DOCK9: variants seen among roughly 807,000 people sequenced by gnomAD.
DOCK9 encodes the protein dedicator of cytokinesis 9, also known as dedicator of cytokinesis protein 9.
A neutral mutation model predicts 263.3 loss-of-function variants in DOCK9; 89 were observed. That is an observed-to-expected ratio of 0.34 (90% CI 0.28 to 0.40). The LOEUF (loss-of-function observed/expected upper bound fraction) is 0.40. DOCK9 is among the 10% of genes least tolerant of loss of function. DOCK9 has a pLI of 1.00. For missense variants in DOCK9, 2,140 were observed against 2,603.4 expected, an observed-to-expected ratio of 0.82 and a Z score of 3.87; for synonymous variants, 976 against 973.1, an observed-to-expected ratio of 1.00 and a Z score of -0.06.
At position 98,902,484 on chromosome 13, in the gene DOCK9, G is replaced by A. The variant is rs1339423406; in HGVS notation, c.1184C>T (p.Pro395Leu). ...NEEGPTTNVE[P>L]FFVTLSLFDI... ...AAACAGGGATAGAGTAACAAAGAAA[G>A]GTTCAACCTGAACAAAACAAAACAA... The change falls in exon 12 of 53, where the codon CCT becomes CTT. Residue 395 changes from proline to leucine, a missense_variant. Around this residue, in one of 2 missense-constraint regions of DOCK9, gnomAD observed 1,521 missense variants for 1,741.7 expected, o/e 0.87. Coordinates refer to ENST00000682017, the MANE Select transcript of DOCK9 (RefSeq NM_001366683.2). 1 of 1,613,550 alleles carries A rather than the reference G, an allele frequency of 6.2e-7. No individual in the cohort carries two copies. The highest frequency in any genetic ancestry group is 8.5e-7 in the Non-Finnish European group (1 of 1,179,742).
chr13:98,925,950 T>A, intron 3 of DOCK9, 31 bp from the exon 4 acceptor site: 1 of 1,503,086 alleles, frequency 6.7e-7, no homozygotes, highest in Admixed American at 2.2e-5. Context: ...AAATAGAAAA[T>A]AAAAAACAGA....
intron 1 of DOCK9, among the ~76,000 whole-genome samples, chr13:98,957,450 A>C (rs1292777339): frequency 6.6e-6 from 1 of 152,198 alleles, no homozygotes; most frequent in Non-Finnish European, 1.5e-5. Context: ...CAATTATTAT[A>C]ATTAAGTAAA....
rs77826236 is a variant in DOCK9 at position 99,058,482 on chromosome 13, T to A, written c.129+27741A>T. ...TGGCCAAGAGTACTTGATATCTTGA[T>A]ACAAACAGTGCCAGGGGCCACAGAG... is the stretch of plus-strand genomic sequence containing the variant. On this transcript the variant is annotated intron_variant, in intron 1 of 32. Coordinates refer to the DOCK9 transcript ENST00000427887. Among the ~76,000 whole-genome samples, 451 of 152,228 alleles carry A rather than the reference T, an allele frequency of 3.0e-3. 2 individuals are homozygous for A. Among genetic ancestry groups the A allele is most frequent in the African/African-American group, 0.011 (438 of 41,536 alleles).
chr13:98,799,484 G>C (rs2089848861), intron 50 of DOCK9, among the ~76,000 whole-genome samples: 2 of 152,140 alleles, frequency 1.3e-5, no homozygotes, highest in South Asian at 4.1e-4. Flanking sequence ...ATGTAAGTAA[G>C]ATAACTTTTT....
chr13:98,945,780 T>C (rs531986155), intron 2 of DOCK9, among the ~76,000 whole-genome samples: 20 of 152,302 alleles, frequency 1.3e-4, no homozygotes, highest in African/African-American at 4.6e-4. Flanking sequence ...TCTACATGCT[T>C]AAAAACTAAG....
chr13:98,965,423 A>C (rs1372867937), intron 1 of DOCK9, among the ~76,000 whole-genome samples: 1 of 152,218 alleles, frequency 6.6e-6, no homozygotes, highest in Non-Finnish European at 1.5e-5. Context: ...AAGGTACTAC[A>C]GATTCAGTAA....
chr13:98,823,483 A>C (rs1461164341), intron 45 of DOCK9, among the ~76,000 whole-genome samples: 2 of 152,232 alleles, frequency 1.3e-5, no homozygotes, highest in Non-Finnish European at 2.9e-5. Context: ...ATCAGGATGA[A>C]GCAGGTGCAG....
At position 98,977,981 on chromosome 13, in the gene DOCK9, G is replaced by A; in HGVS notation, c.-72C>T. ...CGAGTCCCTGGCCGTGCAAGGCACA[G>A]GCATGCCAGTGGTCCAAGGAAGGAA... On this transcript the variant is annotated 5_prime_UTR_variant, in exon 1 of 53. Transcript: ENST00000682017. 1 of 1,504,596 alleles carries A rather than the reference G, an allele frequency of 6.6e-7. No homozygotes were observed. The highest frequency in any genetic ancestry group is 1.4e-5 in the African/African-American group (1 of 72,246). 93.2% of individuals were successfully genotyped at this position (1,504,596 alleles called of 1,614,324 possible). A position where few individuals can be genotyped will look rare whatever the true frequency, so the allele number is the denominator to read the frequency against.
At chr13:98,998,601 C>T (rs1417597106) in intron 1 of DOCK9, among the ~76,000 whole-genome samples, 2 of 152,134 alleles carry the variant, frequency 1.3e-5, no homozygotes, top group Non-Finnish European at 2.9e-5. Flanking sequence ...TGGTCCAGGT[C>T]AGCCCCTACC....
intron 1 of DOCK9, among the ~76,000 whole-genome samples, chr13:99,035,202 A>G (rs1887747887): frequency 1.3e-5 from 2 of 152,112 alleles, no homozygotes; most frequent in African/African-American, 4.8e-5. Context: ...ACAACTCTCA[A>G]TCTCTCAAAT....
intron 9 of DOCK9, among the ~76,000 whole-genome samples, chr13:98,911,617 G>A (rs777108815): frequency 1.3e-4 from 19 of 151,412 alleles, no homozygotes; most frequent in Admixed American, 2.0e-4. Flanking sequence ...TTTTCAGGTC[G>A]GGCGTAGTGG....
At chr13:98,912,957 A>C (rs1376378404) in intron 9 of DOCK9, among the ~76,000 whole-genome samples, 1 of 152,204 alleles carries the variant, frequency 6.6e-6, no homozygotes, top group Non-Finnish European at 1.5e-5. Context: ...TCAATGCAAA[A>C]TATGATACAC....
intron 2 of DOCK9, among the ~76,000 whole-genome samples, chr13:98,941,133 G>A (rs145468357): frequency 2.0e-5 from 3 of 152,248 alleles, no homozygotes; most frequent in East Asian, 1.9e-4. Context: ...TCAGGAACAC[G>A]TACCATTCTG....
intron 1 of DOCK9, among the ~76,000 whole-genome samples, chr13:99,083,158 G>A (rs2142497801): frequency 6.6e-6 from 1 of 152,146 alleles, no homozygotes; most frequent in East Asian, 1.9e-4. Flanking sequence ...CGGAGGCTGA[G>A]GCCAGAGAAT....
intron 35 of DOCK9, among the ~76,000 whole-genome samples, chr13:98,851,791 G>A (rs562748272): frequency 9.2e-5 from 14 of 152,274 alleles, no homozygotes; most frequent in African/African-American, 3.1e-4. Context: ...GATTTTTAGA[G>A]TTCAATGTGA....
chr13:99,029,812 C>T (rs775075390), intron 1 of DOCK9, among the ~76,000 whole-genome samples: 4 of 152,166 alleles, frequency 2.6e-5, no homozygotes, highest in Non-Finnish European at 5.9e-5. Flanking sequence ...AAACACATGT[C>T]CACACAAAGA....
intron 9 of DOCK9, among the ~76,000 whole-genome samples, chr13:98,909,561 A>T (rs2049684813): frequency 6.6e-6 from 1 of 152,168 alleles, no homozygotes; most frequent in Non-Finnish European, 1.5e-5. Flanking sequence ...ATAATCTTTA[A>T]TTTAAAGAGT....
intron 2 of DOCK9, among the ~76,000 whole-genome samples, chr13:98,944,382 G>GA (rs59677048): frequency 0.13 from 9,616 of 73,114 alleles, 1,098 homozygotes; most frequent in South Asian, 0.25. Flanking sequence ...CACTATATGA[G>GA]AAAAAAAAAA....
intron 15 of DOCK9, among the ~76,000 whole-genome samples, chr13:98,894,969 A>AG (rs1464394011): frequency 1.6e-5 from 2 of 126,350 alleles, no homozygotes; most frequent in African/African-American, 3.5e-5. Flanking sequence ...AAAAAAAAAA[A>AG]AAAAAAAAAA....
Sources: gnomAD v4.1 joint callset for allele counts (sites outside exome capture counted in the v4.1 genomes callset) on GRCh38, gnomAD v4.1.1 for gene constraint, gnomAD v4.1.1 regional missense constraint, MANE v1.5 for transcripts, NCBI Gene and HGNC (gene_info 2026-07-23, HGNC 2026-07-21) for gene names.